Variants in AKAIN1 observed in about 807,000 individuals in gnomAD.
The protein encoded by AKAIN1 is A-kinase anchor protein inhibitor 1.
In AKAIN1, 3 loss-of-function variants were observed where a neutral mutation model predicts 3.7. The observed-to-expected ratio is 0.82, with a 90% CI of 0.37 to 2.12. The LOEUF (loss-of-function observed/expected upper bound fraction) is 2.12, where lower values mean the gene tolerates loss of function less well. AKAIN1 is among the 30% of genes most tolerant of loss of function. The probability of loss-of-function intolerance (pLI) is 0.06; values close to 1 mark genes in which losing one functional copy is unlikely to be tolerated. For missense variants in AKAIN1, 82 were observed against 82.7 expected, an observed-to-expected ratio of 0.99 and a Z score of 0.03; for synonymous variants, 31 against 30.8, an observed-to-expected ratio of 1.01 and a Z score of -0.02.
chr18:5,153,538 G>A (rs955148642), intron 1 of AKAIN1, among the ~76,000 whole-genome samples: 1 of 152,150 alleles, frequency 6.6e-6, no homozygotes, highest in Admixed American at 6.5e-5. Context: ...AGTAGGGAAA[G>A]GACAGTATTT....
rs1382135670 is a variant in AKAIN1, at chr18:5,144,093, C to T, written c.*1469G>A. Among the ~76,000 whole-genome samples, 2 of 152,152 alleles carry T rather than the reference C, an allele frequency of 1.3e-5. No individual in the cohort carries two copies. On this transcript the variant is annotated 3_prime_UTR_variant, in exon 2 of 2. Transcript: ENST00000434239. ...AATCTTTAAATTTTAAGCCCTTCTG[C>T]TTCCTTCTCCTTCCATGTTTCCTGT...
chr18:5,145,353 T>A lies in AKAIN1; in HGVS notation c.*209A>T, dbSNP rs1598303120. 2.5e-6 allele frequency: 1 copy of A among 404,362 alleles called. No homozygotes were observed. The highest frequency in any genetic ancestry group is 3.6e-5 in the East Asian group (1 of 27,718). The allele number at this position is 404,362 out of a possible 1,614,324, so 25.0% of individuals were successfully genotyped here. A position where few individuals can be genotyped will look rare whatever the true frequency, so the allele number is the denominator to read the frequency against. ...TACAGTGTCATATTTGGCCCCACTA[T>A]GTCTCAGAGGCACTGCATAAATATG... On this transcript the variant is annotated 3_prime_UTR_variant, in exon 2 of 2. Transcript: ENST00000434239.
intron 1 of AKAIN1, among the ~76,000 whole-genome samples, chr18:5,160,564 A>C (rs1378348543): frequency 2.0e-5 from 3 of 152,122 alleles, no homozygotes; most frequent in Non-Finnish European, 4.4e-5. Context: ...GTTTATTTTA[A>C]TGTAATCAAA....
At chr18:5,180,271 T>C (rs2071249739) in intron 1 of AKAIN1, among the ~76,000 whole-genome samples, 2 of 152,206 alleles carry the variant, frequency 1.3e-5, no homozygotes, top group Admixed American at 1.3e-4. Flanking sequence ...AATCAAATTA[T>C]ATAAAGTGTT....
intron 1 of AKAIN1, among the ~76,000 whole-genome samples, chr18:5,177,890 G>T (rs1723551015): frequency 6.6e-6 from 1 of 152,216 alleles, no homozygotes; most frequent in East Asian, 1.9e-4. Context: ...ATCAAAAGCT[G>T]CTTAGAACAT....
intron 1 of AKAIN1, among the ~76,000 whole-genome samples, chr18:5,190,128 T>C (rs931802304): frequency 5.3e-5 from 8 of 152,130 alleles, no homozygotes; most frequent in Non-Finnish European, 1.0e-4. Flanking sequence ...GGGGCTGAAA[T>C]CATCCTCTTA....
At chr18:5,165,673 G>T (rs2071163865) in intron 1 of AKAIN1, among the ~76,000 whole-genome samples, 1 of 151,926 alleles carries the variant, frequency 6.6e-6, no homozygotes. Flanking sequence ...GGTACAAATT[G>T]GTGTCTAAAA....
chr18:5,185,476 C>T (rs1160389853), intron 1 of AKAIN1, among the ~76,000 whole-genome samples: 7 of 152,008 alleles, frequency 4.6e-5, no homozygotes, highest in Non-Finnish European at 1.0e-4. Context: ...CCAGAATCTA[C>T]AAGGAACTTA....
chr18:5,168,246 T>C (rs1158907595), intron 1 of AKAIN1, among the ~76,000 whole-genome samples: 7 of 152,130 alleles, frequency 4.6e-5, no homozygotes, highest in Non-Finnish European at 1.0e-4. Context: ...AACCTAGTTA[T>C]AGCAGAGCAG....
At chr18:5,171,154 G>A (rs1046697636) in intron 1 of AKAIN1, 1 of 152,166 alleles carries the variant, frequency 6.6e-6, no homozygotes, top group Non-Finnish European at 1.5e-5. Flanking sequence ...AAGGTTGGTA[G>A]TATTTTCTCT....
In AKAIN1 at chr18:5,145,672, C is replaced by G; in HGVS notation, c.100G>C (p.Val34Leu). 1 of 1,551,690 alleles carries G rather than the reference C, an allele frequency of 6.4e-7. No individual in the cohort carries two copies. ...QIVQNAILQA[V>L]QQVSQESQRR... ...TGACTCTCCTGGGAGACTTGCTGCACAGCTTGCAGGATTGCATTCTGCACA... is the reference window on the plus strand; with the variant it reads ...TGACTCTCCTGGGAGACTTGCTGCAGAGCTTGCAGGATTGCATTCTGCACA... The change falls in exon 2 of 2, where the codon GTG becomes CTG. Residue 34 changes from valine to leucine, a missense_variant. By Grantham distance (32) the Val-to-Leu change is conservative. Coordinates refer to ENST00000434239, the MANE Select transcript of AKAIN1 (RefSeq NM_001145194.2).
intron 1 of AKAIN1, among the ~76,000 whole-genome samples, chr18:5,186,752 G>C (rs1185230340): frequency 2.6e-5 from 4 of 152,050 alleles, no homozygotes; most frequent in Non-Finnish European, 5.9e-5. Context: ...GTTTTAAAGT[G>C]CATGTAAAAC....
intron 1 of AKAIN1, among the ~76,000 whole-genome samples, chr18:5,156,440 G>A (rs767223511): frequency 1.3e-5 from 2 of 152,146 alleles, no homozygotes; most frequent in African/African-American, 4.8e-5. Flanking sequence ...GAGGAAGTGA[G>A]TATAGAGGGA....
At chr18:5,178,168 CT>C (rs1899352579) in intron 1 of AKAIN1, among the ~76,000 whole-genome samples, 1 of 152,128 alleles carries the variant, frequency 6.6e-6, no homozygotes, top group Non-Finnish European at 1.5e-5. Context: ...CAGGACTCAT[CT>C]GCCTAAGGAC....
chr18:5,158,943 C>G (rs1048115583), intron 1 of AKAIN1, among the ~76,000 whole-genome samples: 1 of 152,118 alleles, frequency 6.6e-6, no homozygotes, highest in Non-Finnish European at 1.5e-5. Flanking sequence ...AATGAGAATA[C>G]GAGTCAACAC....
At chr18:5,175,535 A>G (rs1380554249) in intron 1 of AKAIN1, among the ~76,000 whole-genome samples, 1 of 152,164 alleles carries the variant, frequency 6.6e-6, no homozygotes, top group Non-Finnish European at 1.5e-5. Flanking sequence ...AGAAGTGCTT[A>G]GTTCCTTTTC....
At chr18:5,189,983 T>C (rs560057979) in intron 1 of AKAIN1, among the ~76,000 whole-genome samples, 2 of 152,306 alleles carry the variant, frequency 1.3e-5, no homozygotes, top group Non-Finnish European at 2.9e-5. Context: ...ACAGACTTAG[T>C]GATTTATGCG....
In AKAIN1 at chr18:5,145,605, T is replaced by A. The variant is rs948494552; in HGVS notation, c.167A>T (p.Gln56Leu). 9 of 1,551,654 alleles carry A rather than the reference T, an allele frequency of 5.8e-6. No homozygotes were observed. The highest frequency in any genetic ancestry group is 2.7e-5 in the African/African-American group (2 of 73,158). The change falls in exon 2 of 2, where the codon CAA (glutamine) becomes CTA (leucine). Residue 56 changes from glutamine (Q) to leucine (L), a missense_variant. Physicochemically the swap from Gln to Leu is moderately radical, Grantham distance 113. Coordinates refer to ENST00000434239, the MANE Select transcript of AKAIN1 (RefSeq NM_001145194.2). ...ERISDNRDHIQLGVGELTKKH... is the reference protein window; with the variant it reads ...ERISDNRDHILLGVGELTKKH... ...CTTGGTTAACTCCCCAACGCCCAGT[T>A]GGATGTGGTCCCGGTTGTCACTGAT...
At chr18:5,149,917 C>T (rs993958871) in intron 1 of AKAIN1, among the ~76,000 whole-genome samples, 1 of 152,110 alleles carries the variant, frequency 6.6e-6, no homozygotes, top group Non-Finnish European at 1.5e-5. Flanking sequence ...TGGGCTCAAG[C>T]AATCCTCCAG....
Sources: gnomAD v4.1 joint callset for allele counts (sites outside exome capture counted in the v4.1 genomes callset) on GRCh38, gnomAD v4.1.1 for gene constraint, MANE v1.5 for transcripts, NCBI Gene and HGNC (gene_info 2026-07-23, HGNC 2026-07-21) for gene names.